The following SMYD3 variants were observed in gnomAD, a reference collection of about 807,000 sequenced individuals.
SMYD3 encodes histone-lysine N-methyltransferase SMYD3.
SMYD3 carries 36 observed loss-of-function variants against 57.7 expected under a neutral mutation model. That is an observed-to-expected ratio of 0.62 (90% CI 0.48 to 0.82). SMYD3 has a LOEUF of 0.82. SMYD3 is among the 40% of genes least tolerant of loss of function. The probability of loss-of-function intolerance (pLI) is 0.00; values close to 1 mark genes in which losing one functional copy is unlikely to be tolerated. For synonymous variants in SMYD3, 211 were observed against 195.0 expected (o/e 1.08, Z -0.68); for missense variants, 515 against 538.8 (o/e 0.96, Z 0.44).
At chr1:246,482,753 G>A (rs142210786) in intron 1 of SMYD3, among the ~76,000 whole-genome samples, 7 of 152,244 alleles carry the variant, frequency 4.6e-5, no homozygotes, top group African/African-American at 9.6e-5. Context: ...CATAAGATAC[G>A]ATAAAAAACA....
chr1:246,045,626 C>G (rs1023515559), intron 5 of SMYD3, among the ~76,000 whole-genome samples: 1 of 152,102 alleles, frequency 6.6e-6, no homozygotes, highest in Non-Finnish European at 1.5e-5. Flanking sequence ...CCAAAATTGA[C>G]AAATGGGATC....
intron 10 of SMYD3, among the ~76,000 whole-genome samples, chr1:245,817,059 C>A (rs914236206): frequency 6.6e-6 from 1 of 151,430 alleles, no homozygotes; most frequent in Admixed American, 6.6e-5. Flanking sequence ...CTCAAGGAGG[C>A]CTGCCTGCCT....
chr1:246,033,551 C>T (rs35670428), intron 5 of SMYD3, among the ~76,000 whole-genome samples: 9,362 of 152,106 alleles, frequency 0.062, 334 homozygotes, highest in African/African-American at 0.068. Flanking sequence ...TTTGGGAGGC[C>T]GAGGCAGGCG....
chr1:245,969,135 A>C (rs1337474410), intron 5 of SMYD3, among the ~76,000 whole-genome samples: 3 of 152,144 alleles, frequency 2.0e-5, no homozygotes, highest in African/African-American at 4.8e-5. Flanking sequence ...GTTAAGCCAG[A>C]AGGGGAGGCA....
chr1:246,380,007 CAAAA>C (rs111443015), intron 1 of SMYD3, among the ~76,000 whole-genome samples: 1 of 104,702 alleles, frequency 9.6e-6, no homozygotes, highest in Non-Finnish European at 2.0e-5. Context: ...CACTCTGTCT[CAAAA>C]AAAAAAAGAA....
chr1:246,384,661 T>C (rs529082050), intron 1 of SMYD3, among the ~76,000 whole-genome samples: 178 of 152,284 alleles, frequency 1.2e-3, no homozygotes, highest in Admixed American at 2.4e-3. Flanking sequence ...CCTCCCAAAG[T>C]GCTGAGATTA....
intron 1 of SMYD3, among the ~76,000 whole-genome samples, chr1:246,383,411 C>T (rs2066421341): frequency 6.6e-6 from 1 of 152,172 alleles, no homozygotes; most frequent in Admixed American, 6.5e-5. Context: ...ACTGACTCCA[C>T]CCCAGACCAA....
chr1:246,271,100 C>T (rs554401792), intron 5 of SMYD3, among the ~76,000 whole-genome samples: 2 of 152,228 alleles, frequency 1.3e-5, no homozygotes, highest in South Asian at 4.1e-4. Flanking sequence ...TGCTTATTGG[C>T]GTATCTTCTT....
At chr1:245,891,959 T>C (rs1026955519) in intron 8 of SMYD3, among the ~76,000 whole-genome samples, 3 of 152,074 alleles carry the variant, frequency 2.0e-5, no homozygotes, top group African/African-American at 7.2e-5. Context: ...CATGGGAGGA[T>C]TGCCTGAGCC....
At chr1:246,448,885 G>C (rs1459839080) in intron 1 of SMYD3, among the ~76,000 whole-genome samples, 1 of 151,850 alleles carries the variant, frequency 6.6e-6, no homozygotes, top group Non-Finnish European at 1.5e-5. Context: ...CTTCCCACAG[G>C]AACAGCCTAC....
At chr1:246,333,367 C>G (rs2065491118) in intron 3 of SMYD3, among the ~76,000 whole-genome samples, 2 of 152,082 alleles carry the variant, frequency 1.3e-5, no homozygotes. Context: ...GATGAGTCCT[C>G]AAAAGCAACT....
intron 1 of SMYD3, among the ~76,000 whole-genome samples, chr1:246,420,126 G>A (rs1309328957): frequency 6.6e-6 from 1 of 152,002 alleles, no homozygotes; most frequent in Non-Finnish European, 1.5e-5. Context: ...TTGAACCCAG[G>A]AGGTGGAGGT....
chr1:246,147,335 A>G (rs2061865052), intron 5 of SMYD3, among the ~76,000 whole-genome samples: 1 of 152,190 alleles, frequency 6.6e-6, no homozygotes, highest in Non-Finnish European at 1.5e-5. Flanking sequence ...AGGTCCAGCC[A>G]GGGGAGCAGC....
At chr1:246,086,166 T>C (rs1288691125) in intron 5 of SMYD3, among the ~76,000 whole-genome samples, 1 of 152,010 alleles carries the variant, frequency 6.6e-6, no homozygotes. Flanking sequence ...ACAAATTATA[T>C]GGACACCCCA....
intron 5 of SMYD3, among the ~76,000 whole-genome samples, chr1:246,313,617 C>T (rs2065113924): frequency 6.6e-6 from 1 of 152,194 alleles, no homozygotes; most frequent in African/African-American, 2.4e-5. Flanking sequence ...GCGCCCATGA[C>T]TGCCAAGTCT....
chr1:245,787,791 G>A (rs1367798085), intron 10 of SMYD3, among the ~76,000 whole-genome samples: 3 of 152,164 alleles, frequency 2.0e-5, no homozygotes, highest in Non-Finnish European at 2.9e-5. Context: ...TTTCATCCGT[G>A]GGAAGGAAAA....
intron 10 of SMYD3, among the ~76,000 whole-genome samples, chr1:245,821,634 T>C (rs12037366): frequency 0.096 from 13,302 of 138,840 alleles, 652 homozygotes; most frequent in East Asian, 0.21. Context: ...AGAAAATTTT[T>C]GCAACCTACT....
intron 1 of SMYD3, among the ~76,000 whole-genome samples, chr1:246,437,167 G>A (rs1360518904): frequency 6.6e-6 from 1 of 152,112 alleles, no homozygotes; most frequent in Non-Finnish European, 1.5e-5. Flanking sequence ...CCACAGTGCT[G>A]GGATTTCAGA....
At chr1:246,384,756 TA>T (rs2066447574) in intron 1 of SMYD3, among the ~76,000 whole-genome samples, 1 of 152,138 alleles carries the variant, frequency 6.6e-6, no homozygotes, top group South Asian at 2.1e-4. Flanking sequence ...TTACTGTCCT[TA>T]AAAAGCCTAG....
Sources: allele counts gnomAD v4.1 joint callset (sites outside exome capture counted in the v4.1 genomes callset), GRCh38; gene constraint gnomAD v4.1.1; transcripts MANE v1.5; gene names NCBI Gene and HGNC (gene_info 2026-07-23, HGNC 2026-07-21).